Variants in CRYZL1 observed in about 807,000 individuals in gnomAD.
The protein encoded by CRYZL1 is ferry endosomal RAB5 effector complex subunit 4.
In CRYZL1, 34 loss-of-function variants were observed where a neutral mutation model predicts 50.6. The ratio of observed to expected loss-of-function variants is 0.67; its 90% CI spans 0.51 to 0.89. CRYZL1 has a LOEUF of 0.89. Ranked by LOEUF, CRYZL1 falls within the 40% of genes least tolerant of loss-of-function variation. CRYZL1 has a pLI of 0.00. For missense variants in CRYZL1, 354 were observed against 402.3 expected (o/e 0.88, Z 1.03); for synonymous variants, 125 against 134.3 (o/e 0.93, Z 0.48).
intron 6 of CRYZL1, among the ~76,000 whole-genome samples, chr21:33,608,125 T>C (rs1186441855): frequency 6.6e-6 from 1 of 152,228 alleles, no homozygotes; most frequent in Admixed American, 6.5e-5. Flanking sequence ...TATTATTAAC[T>C]ATACTCACCA....
At chr21:33,624,597 T>C in intron 3 of CRYZL1, 86 bp downstream of exon 3, 1 of 1,543,350 alleles carries the variant, frequency 6.5e-7, no homozygotes, top group Non-Finnish European at 8.7e-7. Context: ...TTCTTCACAT[T>C]GAGAGGTCAG....
chr21:33,619,552 A>AT (rs1003078937), intron 4 of CRYZL1, among the ~76,000 whole-genome samples: 5 of 151,342 alleles, frequency 3.3e-5, no homozygotes, highest in African/African-American at 9.8e-5. Flanking sequence ...TCGAAGGATA[A>AT]TTTTTTTTTC....
At chr21:33,616,890 A>T in intron 4 of CRYZL1, 140 bp from the exon 5 acceptor site, 2 of 677,884 alleles carry the variant, frequency 3.0e-6, no homozygotes, top group Non-Finnish European at 4.7e-6. Flanking sequence ...CAAAATGTCA[A>T]TAACATTTTG....
At chr21:33,620,113 G>A (rs2086976810) in intron 4 of CRYZL1, among the ~76,000 whole-genome samples, 1 of 152,020 alleles carries the variant, frequency 6.6e-6, no homozygotes, top group Admixed American at 6.6e-5. Context: ...TCTACAGTCT[G>A]AGAAAAAAGA....
rs186426726 is a variant in CRYZL1 at position 33,606,472 on chromosome 21, A to C, written c.332-2935T>G. On this transcript the variant is annotated intron_variant, in intron 6 of 12. Transcript: ENST00000381554. Reference sequence around the variant, plus strand: ...GAAACCCCGTCTCTACTAAAAATACAAAAATTAGCCAGGCATGGTGGCAGG... The same window carrying C: ...GAAACCCCGTCTCTACTAAAAATACCAAAATTAGCCAGGCATGGTGGCAGG... Among the ~76,000 whole-genome samples the C allele has an allele frequency of 3.1e-3, 464 of 151,630 alleles. 2 individuals are homozygous for C. Among genetic ancestry groups the C allele is most frequent in the Non-Finnish European group, 4.9e-3 (333 of 67,864 alleles).
chr21:33,638,383 TTTTGTATC>T (rs1436721982), intron 1 of CRYZL1, among the ~76,000 whole-genome samples: 1 of 152,100 alleles, frequency 6.6e-6, no homozygotes, highest in East Asian at 1.9e-4. Flanking sequence ...CAGCTAATTT[TTTTGTATC>T]TTTAGTAGAG....
chr21:33,590,767 A>G (rs2086636418), intron 12 of CRYZL1, among the ~76,000 whole-genome samples: 1 of 152,128 alleles, frequency 6.6e-6, no homozygotes, highest in African/African-American at 2.4e-5. Flanking sequence ...CAAATATACC[A>G]TGGTTTTCTC....
intron 6 of CRYZL1, among the ~76,000 whole-genome samples, chr21:33,609,507 C>T (rs1421912210): frequency 6.6e-6 from 1 of 151,940 alleles, no homozygotes; most frequent in Non-Finnish European, 1.5e-5. Flanking sequence ...GATGGGGTTT[C>T]ACCATGTTAT....
intron 6 of CRYZL1, among the ~76,000 whole-genome samples, chr21:33,606,623 C>T (rs1035028630): frequency 6.6e-6 from 1 of 151,044 alleles, no homozygotes. Flanking sequence ...AAGACTTTGT[C>T]TCAAAAAAAA....
intron 2 of CRYZL1, among the ~76,000 whole-genome samples, 159 bp from the exon 3 acceptor site, chr21:33,624,919 A>C: frequency 6.6e-6 from 1 of 152,334 alleles, no homozygotes; most frequent in South Asian, 2.1e-4. Flanking sequence ...AGAAATGTAT[A>C]TAATAAAAAA....
intron 6 of CRYZL1, among the ~76,000 whole-genome samples, chr21:33,604,077 C>T (rs2086784675): frequency 1.3e-5 from 2 of 151,926 alleles, no homozygotes; most frequent in South Asian, 4.1e-4. Flanking sequence ...ACGGTGAAAC[C>T]CCGTCTCTGG....
At chr21:33,635,034 T>C (rs1348118197) in intron 1 of CRYZL1, among the ~76,000 whole-genome samples, 1 of 151,858 alleles carries the variant, frequency 6.6e-6, no homozygotes, top group Non-Finnish European at 1.5e-5. Flanking sequence ...AACAAAAATA[T>C]CCTTAAAGTT....
Position 33,603,517 on chromosome 21 carries a change from T to C in CRYZL1, c.352A>G (p.Thr118Ala). The change falls in exon 7 of 13, where the codon ACA (threonine) becomes GCA (alanine). Residue 118 changes from threonine (T) to alanine (A), a missense_variant. Thr to Ala is a moderately conservative substitution (Grantham distance 58, BLOSUM62 0). Coordinates refer to ENST00000381554, the MANE Select transcript of CRYZL1 (RefSeq NM_145858.3). ...HYLVHKPEKV[T>A]WTEAAGSIRD... is the part of the protein sequence containing the mutation. ...ATGCTTCCTGCTGCTTCCGTCCATG[T>C]GACCTTTTCTGGTTTATGAACTATC... 6.2e-7 allele frequency: 1 copy of C among 1,614,140 alleles called. No homozygotes were observed. Among genetic ancestry groups the C allele is most frequent in the Non-Finnish European group, 8.5e-7 (1 of 1,180,050 alleles).
intron 7 of CRYZL1, chr21:33,603,203 A>G: frequency 1.8e-6 from 1 of 550,618 alleles, no homozygotes; most frequent in South Asian, 3.0e-5. Flanking sequence ...GCAGATTCAA[A>G]GTCATAAACT....
Position 33,602,265 on chromosome 21 carries a change from C to A in CRYZL1, c.546G>T (p.Lys182Asn), listed in dbSNP as rs145729792. 3.0e-5 allele frequency: 49 copies of A among 1,609,466 alleles called. No individual in the cohort carries two copies. Among genetic ancestry groups the A allele is most frequent in the Non-Finnish European group, 3.4e-6 (4 of 1,175,910 alleles). The change falls in exon 8 of 13, where the codon AAG becomes AAT. Residue 182 changes from lysine (K) to asparagine (N), a missense_variant. Coordinates refer to ENST00000381554, the MANE Select transcript of CRYZL1 (RefSeq NM_145858.3). ...GAGGTCTGAATCTTTCAAGGCACTG[C>A]TTATCTTCAAGGCTGCATGCTGTTG... is the stretch of plus-strand genomic sequence containing the variant. ...VISTACSLED[K>N]QCLERFRPPI...
Position 33,599,152 on chromosome 21 carries a change from C to G in CRYZL1, c.674G>C (p.Gly225Ala). The stretch of plus-strand genomic sequence containing the variant: ...TACTAATTTCATAAGGTACCTACCT[C>G]CAGCATCTAGGACAATATCTACTCC... Reference protein sequence around the residue: ...GLGVDIVLDAGVRLYSKDDEP... With the variant: ...GLGVDIVLDAAVRLYSKDDEP... The change falls in exon 9 of 13, where the codon GGA (glycine) becomes GCA (alanine). Residue 225 changes from glycine (G) to alanine (A), a missense_variant and splice_region_variant. Coordinates refer to ENST00000381554, the MANE Select transcript of CRYZL1 (RefSeq NM_145858.3). 6.2e-7 allele frequency: 1 copy of G among 1,613,964 alleles called. No homozygotes were observed. Among genetic ancestry groups the G allele is most frequent in the South Asian group, 1.1e-5 (1 of 91,068 alleles).
intron 5 of CRYZL1, among the ~76,000 whole-genome samples, chr21:33,616,037 C>T (rs890670517): frequency 4.6e-5 from 7 of 152,120 alleles, no homozygotes; most frequent in South Asian, 2.1e-4. Flanking sequence ...CCCACTAACT[C>T]GTCATCTAGC....
chr21:33,640,094 G>T, intron 1 of CRYZL1: 1 of 1,525,814 alleles, frequency 6.6e-7, no homozygotes, highest in Non-Finnish European at 8.8e-7. Flanking sequence ...CCAAAGTGCT[G>T]GGATTACAGG....
chr21:33,599,139 A>G lies in CRYZL1; in HGVS notation c.676+11T>C, dbSNP rs763676367. ...AAACTACACAGGCTACTAATTTCAT[A>G]AGGTACCTACCTCCAGCATCTAGGA... On this transcript the variant is annotated intron_variant, in intron 9 of 12. Coordinates refer to ENST00000381554, the MANE Select transcript of CRYZL1 (RefSeq NM_145858.3). The G allele has an allele frequency of 1.9e-6, 3 of 1,612,042 alleles. No individual in the cohort carries two copies. The South Asian group carries it at 3.3e-5, about 18-fold the overall frequency.
Sources: gnomAD v4.1 joint callset for allele counts (sites outside exome capture counted in the v4.1 genomes callset) on GRCh38, gnomAD v4.1.1 for gene constraint, MANE v1.5 for transcripts, NCBI Gene and HGNC (gene_info 2026-07-23, HGNC 2026-07-21) for gene names.